FAT3: variants seen among roughly 807,000 people sequenced by gnomAD.
The protein encoded by FAT3 is FAT atypical cadherin 3, also known as protocadherin Fat 3.
In FAT3, 95 loss-of-function variants were observed where a neutral mutation model predicts 310.2. The ratio of observed to expected loss-of-function variants is 0.31; its 90% confidence interval spans 0.26 to 0.36. The LOEUF is 0.36. Among genes scored for constraint, FAT3 ranks in the 10% least tolerant of loss-of-function variants. The pLI is 1.00. For synonymous variants in FAT3, 2,314 were observed against 2,192.9 expected (o/e 1.06, Z -1.54); for missense variants, 5,408 against 5,715.6 (o/e 0.95, Z 1.74).
chr11:92,638,574 G>A (rs959131553), intron 3 of FAT3, among the ~76,000 whole-genome samples: 1 of 152,164 alleles, frequency 6.6e-6, no homozygotes, highest in African/African-American at 2.4e-5. Flanking sequence ...TACGAGTTCT[G>A]AAATGTGGTT....
Position 92,792,898 on chromosome 11 carries a change from G to A in FAT3, c.4743G>A (p.Leu1581=). ...YEASVFESAA[L]GSAVLQVTAL... Reference sequence around the variant, plus strand: ...CGTCTGTGTTTGAATCTGCTGCTCTGGGATCAGCTGTTCTGCAAGTGACGG... The same window carrying A: ...CGTCTGTGTTTGAATCTGCTGCTCTAGGATCAGCTGTTCTGCAAGTGACGG... The change falls in exon 9 of 28, where the codon CTG becomes CTA. Residue 1581 remains leucine (L), a synonymous_variant. Transcript: ENST00000525166. 6.2e-7 allele frequency: 1 copy of A among 1,613,784 alleles called. No individual in the cohort carries two copies. Among genetic ancestry groups the A allele is most frequent in the Non-Finnish European group, 8.5e-7 (1 of 1,179,788 alleles).
At chr11:92,705,196 A>T (rs1448637165) in intron 4 of FAT3, among the ~76,000 whole-genome samples, 10 of 152,184 alleles carry the variant, frequency 6.6e-5, no homozygotes, top group Non-Finnish European at 1.2e-4. Flanking sequence ...CAGATTTTTT[A>T]AAATTCATGT....
At chr11:92,419,873 T>C (rs1950500593) in intron 2 of FAT3, among the ~76,000 whole-genome samples, 1 of 152,188 alleles carries the variant, frequency 6.6e-6, no homozygotes, top group Non-Finnish European at 1.5e-5. Context: ...TGTTGGCTCA[T>C]AGGATACTTG....
chr11:92,540,740 T>TTTTTG (rs149679843), intron 3 of FAT3, among the ~76,000 whole-genome samples: 1,830 of 137,552 alleles, frequency 0.013, 46 homozygotes, highest in African/African-American at 0.045. Flanking sequence ...CTATGGCATG[T>TTTTTG]TTTTGTTTTG....
intron 3 of FAT3, among the ~76,000 whole-genome samples, chr11:92,526,126 G>A (rs576100261): frequency 6.6e-6 from 1 of 152,106 alleles, no homozygotes; most frequent in Non-Finnish European, 1.5e-5. Context: ...TTGCAGAAGA[G>A]GGCTCAGATT....
intron 1 of FAT3, among the ~76,000 whole-genome samples, chr11:92,255,728 A>T (rs1052804956): frequency 6.6e-6 from 1 of 152,182 alleles, no homozygotes; most frequent in African/African-American, 2.4e-5. Flanking sequence ...CCTGCCCTAT[A>T]GAATTTTATG....
At position 92,893,277 on chromosome 11, in the gene FAT3, T is replaced by C. The variant is rs1451231977; in HGVS notation, c.*2164T>C. 2 of 152,202 alleles carry C rather than the reference T, an allele frequency of 1.3e-5. No homozygotes were observed. Among genetic ancestry groups the C allele is most frequent in the Non-Finnish European group, 2.9e-5 (2 of 68,032 alleles). The allele number at this position is 152,202 out of a possible 1,614,324, so 9.4% of individuals were successfully genotyped here. On this transcript the variant is annotated 3_prime_UTR_variant, in exon 28 of 28. Transcript: ENST00000525166. ...GTCAGACCTACTCATGGAGGTATTA[T>C]CCACACTGTGATCTTGAAATAAATG...
At chr11:92,371,228 T>C (rs1949177502) in intron 2 of FAT3, among the ~76,000 whole-genome samples, 1 of 152,214 alleles carries the variant, frequency 6.6e-6, no homozygotes, top group Admixed American at 6.5e-5. Flanking sequence ...TCATAAGGAT[T>C]CTATGGGGTA....
chr11:92,353,261 G>C lies in FAT3; in HGVS notation c.1149G>C (p.Val383=). The change falls in exon 2 of 28, where the codon GTG becomes GTC. Residue 383 remains valine, a synonymous_variant. Transcript: ENST00000525166. ...GATTTGAAAAAGAAGTGTACGATGT[G>C]AGCATAAGTGAATTTTCCCCTCCTG... ...PIRFEKEVYD[V]SISEFSPPGV... 6.2e-7 allele frequency: 1 copy of C among 1,613,682 alleles called. No homozygotes were observed. Among genetic ancestry groups the C allele is most frequent in the South Asian group, 1.1e-5 (1 of 91,028 alleles).
In FAT3 at chr11:92,764,895, A is replaced by G. The variant is rs1050213266; in HGVS notation, c.4001A>G (p.Asn1334Ser). Residue 1334 changes from asparagine (N) to serine (S), a missense_variant, in exon 6 of 28, where the codon AAT (asparagine) becomes AGT (serine). Asn to Ser is a conservative substitution (Grantham distance 46). Transcript: ENST00000525166. ...YDILTIKAVDNGRPQKSSTAR... is the reference protein window; with the variant it reads ...YDILTIKAVDSGRPQKSSTAR... ...TGTGAGTAGATAAAGGCAGTGGACAATGGGCGCCCACAGAAATCCTCCACG... is the reference window on the plus strand; with the variant it reads ...TGTGAGTAGATAAAGGCAGTGGACAGTGGGCGCCCACAGAAATCCTCCACG... The G allele has an allele frequency of 6.2e-7, 1 of 1,613,588 alleles. No individual in the cohort carries two copies. Among genetic ancestry groups the G allele is most frequent in the Non-Finnish European group, 8.5e-7 (1 of 1,179,734 alleles).
intron 2 of FAT3, among the ~76,000 whole-genome samples, chr11:92,447,187 A>C (rs1172876800): frequency 6.6e-6 from 1 of 150,610 alleles, no homozygotes; most frequent in Non-Finnish European, 1.5e-5. Context: ...GTGTGTGTAT[A>C]TGTGTGTTCA....
At chr11:92,824,066 C>G (rs1948039475) in intron 13 of FAT3, among the ~76,000 whole-genome samples, 1 of 152,080 alleles carries the variant, frequency 6.6e-6, no homozygotes, top group Non-Finnish European at 1.5e-5. Flanking sequence ...GTATGAAAAT[C>G]ATTTTTAAGG....
At chr11:92,645,306 G>T (rs1942109293) in intron 3 of FAT3, among the ~76,000 whole-genome samples, 1 of 152,162 alleles carries the variant, frequency 6.6e-6, no homozygotes, top group African/African-American at 2.4e-5. Context: ...GTCCTTATCA[G>T]CTTACAACAC....
intron 27 of FAT3, among the ~76,000 whole-genome samples, chr11:92,890,260 G>A (rs1396896002): frequency 1.3e-5 from 2 of 152,316 alleles, no homozygotes; most frequent in South Asian, 2.1e-4. Context: ...TTCGTCTCAT[G>A]GCATGGCTGA....
At chr11:92,545,777 G>C (rs530110779) in intron 3 of FAT3, among the ~76,000 whole-genome samples, 1 of 152,182 alleles carries the variant, frequency 6.6e-6, no homozygotes, top group Non-Finnish European at 1.5e-5. Context: ...GCCTTGCCAA[G>C]CATCTATTTA....
intron 2 of FAT3, among the ~76,000 whole-genome samples, chr11:92,375,358 C>T (rs1037603380): frequency 7.2e-5 from 11 of 152,032 alleles, no homozygotes; most frequent in Admixed American, 3.3e-4. Context: ...CCAGGCTGGT[C>T]GTGAACTCCT....
At chr11:92,741,643 G>T (rs910710022) in intron 4 of FAT3, among the ~76,000 whole-genome samples, 2 of 152,166 alleles carry the variant, frequency 1.3e-5, no homozygotes, top group African/African-American at 4.8e-5. Flanking sequence ...CTACGGAGTT[G>T]ATCTTTATTT....
At chr11:92,438,164 CAT>C (rs1237958839) in intron 2 of FAT3, among the ~76,000 whole-genome samples, 4 of 152,030 alleles carry the variant, frequency 2.6e-5, no homozygotes, top group Admixed American at 6.6e-5. Flanking sequence ...TAAATAAACA[CAT>C]GTTAAGTAAG....
intron 2 of FAT3, among the ~76,000 whole-genome samples, chr11:92,402,832 A>G (rs1028356770): frequency 6.6e-6 from 1 of 151,644 alleles, no homozygotes. Context: ...AAGCAGAATA[A>G]GTATCAAAAA....
Sources: allele counts gnomAD v4.1 joint callset (sites outside exome capture counted in the v4.1 genomes callset), GRCh38; gene constraint gnomAD v4.1.1; transcripts MANE v1.5; gene names NCBI Gene and HGNC (gene_info 2026-07-23, HGNC 2026-07-21).